SBF2: variants seen among roughly 807,000 people sequenced by gnomAD.
The protein encoded by SBF2 is SET binding factor 2.
A neutral mutation model predicts 225.2 loss-of-function variants in SBF2; 112 were observed. The ratio of observed to expected loss-of-function variants is 0.50; its 90% CI spans 0.43 to 0.58. The LOEUF (loss-of-function observed/expected upper bound fraction) is 0.58. Among genes scored for constraint, SBF2 ranks in the 20% least tolerant of loss-of-function variants. The pLI is 0.00. For synonymous variants in SBF2, 763 were observed against 773.3 expected (o/e 0.99, Z 0.22); for missense variants, 1,996 against 2,206.2 (o/e 0.90, Z 1.91).
chr11:9,881,164 T>C (rs574834377), intron 17 of SBF2, among the ~76,000 whole-genome samples: 1 of 152,246 alleles, frequency 6.6e-6, no homozygotes, highest in South Asian at 2.1e-4. Flanking sequence ...ACAACAAAAA[T>C]AGGATGATAG....
intron 1 of SBF2, among the ~76,000 whole-genome samples, chr11:10,242,933 G>T (rs918483079): frequency 3.3e-5 from 5 of 152,116 alleles, no homozygotes; most frequent in African/African-American, 1.2e-4. Flanking sequence ...CATCCAGACA[G>T]AAGATCAAAA....
chr11:9,955,264 G>A (rs986511796), intron 16 of SBF2, among the ~76,000 whole-genome samples: 1 of 151,892 alleles, frequency 6.6e-6, no homozygotes, highest in Non-Finnish European at 1.5e-5. Context: ...CAGGATAATC[G>A]TAACAGGTTT....
At chr11:9,977,290 C>G (rs1946738740) in intron 13 of SBF2, among the ~76,000 whole-genome samples, 1 of 151,864 alleles carries the variant, frequency 6.6e-6, no homozygotes, top group Admixed American at 6.6e-5. Flanking sequence ...TCAAGACCAT[C>G]CTGGGCAACA....
rs1699754264 is a variant in SBF2, at chr11:10,294,105, TCGCCGCCCTCGCCGC to T, written c.-51_-37del. ...GCCGCGCTCGGGAAGCGGGTCCCCGTCGCCGCCCTCGCCGCCGCCGCCCACCCGGCCCGGGAGGGC... is the reference window on the plus strand; with the variant it reads ...GCCGCGCTCGGGAAGCGGGTCCCCGTCGCCGCCCACCCGGCCCGGGAGGGC... On this transcript the variant is annotated 5_prime_UTR_variant, in exon 1 of 40. Coordinates refer to ENST00000256190, the MANE Select transcript of SBF2 (RefSeq NM_030962.4). The T allele has an allele frequency of 7.7e-7, 1 of 1,304,942 alleles. No individual in the cohort carries two copies. The highest frequency in any genetic ancestry group is 9.7e-7 in the Non-Finnish European group (1 of 1,025,830). 80.8% of individuals were successfully genotyped at this position (1,304,942 alleles called of 1,614,324 possible).
At chr11:10,286,109 TG>T (rs1203308149) in intron 1 of SBF2, among the ~76,000 whole-genome samples, 5 of 151,654 alleles carry the variant, frequency 3.3e-5, no homozygotes, top group Non-Finnish European at 5.9e-5. Flanking sequence ...ATTACAGGCG[TG>T]AGCTACCACG....
At chr11:10,276,843 G>T (rs1441500214) in intron 1 of SBF2, among the ~76,000 whole-genome samples, 3 of 152,084 alleles carry the variant, frequency 2.0e-5, no homozygotes, top group Non-Finnish European at 4.4e-5. Context: ...GTATCTACTG[G>T]TTGTTATCAA....
chr11:9,872,652 C>T (rs982140078), intron 17 of SBF2, among the ~76,000 whole-genome samples: 1 of 152,012 alleles, frequency 6.6e-6, no homozygotes, highest in Non-Finnish European at 1.5e-5. Flanking sequence ...CAAACACTGA[C>T]GTGTGGATCG....
At chr11:10,058,002 T>G (rs961994358) in intron 2 of SBF2, among the ~76,000 whole-genome samples, 10 of 143,222 alleles carry the variant, frequency 7.0e-5, no homozygotes, top group African/African-American at 2.6e-4. Flanking sequence ...AGAAAAGAAG[T>G]CTATTGAGTG....
chr11:10,185,481 T>G (rs1055751497), intron 2 of SBF2, among the ~76,000 whole-genome samples: 11 of 152,212 alleles, frequency 7.2e-5, no homozygotes, highest in Admixed American at 7.2e-4. Context: ...AGAGTTGGAA[T>G]CTCATCTATC....
chr11:9,865,666 G>T (rs1805823047), intron 17 of SBF2, among the ~76,000 whole-genome samples: 1 of 118,294 alleles, frequency 8.5e-6, no homozygotes, highest in Non-Finnish European at 1.6e-5. Context: ...ACTCCAGCCT[G>T]GATGACAGAG....
At chr11:9,801,004 T>C (rs1458073025) in intron 32 of SBF2, among the ~76,000 whole-genome samples, 1 of 151,880 alleles carries the variant, frequency 6.6e-6, no homozygotes, top group African/African-American at 2.4e-5. Context: ...GTTTTCTTTA[T>C]TGTTGGCCAC....
intron 17 of SBF2, among the ~76,000 whole-genome samples, chr11:9,871,682 G>T (rs11042521): frequency 1.3e-5 from 2 of 151,796 alleles, no homozygotes; most frequent in Non-Finnish European, 2.9e-5. Context: ...TAGTTGAGAC[G>T]GGGTTTCACC....
intron 2 of SBF2, among the ~76,000 whole-genome samples, chr11:10,125,951 T>C (rs1953732518): frequency 6.6e-6 from 1 of 152,232 alleles, no homozygotes; most frequent in Non-Finnish European, 1.5e-5. Context: ...AGGGGAAGGA[T>C]ACCACAAAGG....
chr11:9,891,004 T>C (rs1357126679), intron 17 of SBF2, among the ~76,000 whole-genome samples: 1 of 151,918 alleles, frequency 6.6e-6, no homozygotes, highest in Admixed American at 6.6e-5. Context: ...GGCGTGGTGG[T>C]GGGCACCTGT....
rs1378992829 is a variant in SBF2 at position 9,914,471 on chromosome 11, C to T, written c.1861-18460G>A. On this transcript the variant is annotated intron_variant, in intron 16 of 39. Coordinates refer to ENST00000256190, the MANE Select transcript of SBF2 (RefSeq NM_030962.4). ...AGTCTTTTCAACAAATGATGCTGGC[C>T]CAACTGGACATCCAAATGCAAAAGC... Among the ~76,000 whole-genome samples, 3 of 152,050 alleles carry T rather than the reference C, an allele frequency of 2.0e-5. No homozygotes were observed. The East Asian group carries it at 5.8e-4, about 29-fold the overall frequency.
chr11:9,788,761 A>AT (rs148717661), intron 35 of SBF2, among the ~76,000 whole-genome samples: 39,328 of 134,692 alleles, frequency 0.29, 5,861 homozygotes, highest in Middle Eastern at 0.4. Flanking sequence ...CGCCCGGCTA[A>AT]TTTTTTTTTT....
At chr11:10,005,867 G>T (rs1248856312) in intron 6 of SBF2, among the ~76,000 whole-genome samples, 1 of 151,994 alleles carries the variant, frequency 6.6e-6, no homozygotes, top group South Asian at 2.1e-4. Context: ...ATTCTTCTCG[G>T]CCACAGTGGC....
chr11:10,033,946 G>T (rs1949350749), intron 3 of SBF2, among the ~76,000 whole-genome samples: 2 of 152,012 alleles, frequency 1.3e-5, no homozygotes, highest in African/African-American at 2.4e-5. Flanking sequence ...TCAAAACATA[G>T]TCTATGAATA....
chr11:9,984,432 T>C (rs1176527492), intron 13 of SBF2, among the ~76,000 whole-genome samples: 3 of 152,110 alleles, frequency 2.0e-5, no homozygotes, highest in Non-Finnish European at 2.9e-5. Flanking sequence ...TCTGGGATTA[T>C]GTTAAATGAC....
Sources: gnomAD v4.1 joint callset for allele counts (sites outside exome capture counted in the v4.1 genomes callset) on GRCh38, gnomAD v4.1.1 for gene constraint, MANE v1.5 for transcripts, NCBI Gene and HGNC (gene_info 2026-07-23, HGNC 2026-07-21) for gene names.